The following ZNF518B variants were observed in gnomAD, a reference collection of about 807,000 sequenced individuals.
The protein encoded by ZNF518B is zinc finger protein 518B.
In ZNF518B, 23 loss-of-function variants were observed where a neutral mutation model predicts 56.3. The observed-to-expected ratio is 0.41, with a 90% CI of 0.29 to 0.58. The LOEUF (loss-of-function observed/expected upper bound fraction) is 0.58, where lower values mean the gene tolerates loss of function less well. Ranked by LOEUF, ZNF518B falls within the 20% of genes least tolerant of loss-of-function variation. The probability of loss-of-function intolerance (pLI) is 0.32; values close to 1 mark genes in which losing one functional copy is unlikely to be tolerated. For missense variants in ZNF518B, 1,460 were observed against 1,272.1 expected (o/e 1.15, Z -2.25); for synonymous variants, 529 against 465.9 (o/e 1.14, Z -1.74).
upstream of ZNF518B, among the ~76,000 whole-genome samples, chr4:10,459,574 G>C (rs988366709): frequency 2.6e-5 from 4 of 152,214 alleles, no homozygotes; most frequent in Non-Finnish European, 4.4e-5. Flanking sequence ...TGTAAGACAA[G>C]GTCATTAGGG....
Position 10,443,905 on chromosome 4 carries a change from T to C in ZNF518B, c.2424A>G (p.Ile808Met). ...VSIPCSERQLIKPVPFCPVRQ... is the reference protein window; with the variant it reads ...VSIPCSERQLMKPVPFCPVRQ... ...TCACAGGGCAAAATGGAACTGGTTT[T>C]ATTAACTGTCTTTCACTGCAAGGTA... Residue 808 changes from isoleucine (I) to methionine (M), a missense_variant, in exon 3 of 3, where the codon ATA (isoleucine) becomes ATG (methionine). By Grantham distance (10) the Ile-to-Met change is conservative (BLOSUM62 1). Transcript: ENST00000326756. The C allele has an allele frequency of 6.2e-7, 1 of 1,614,238 alleles. No individual in the cohort carries two copies. Among genetic ancestry groups the C allele is most frequent in the Non-Finnish European group, 8.5e-7 (1 of 1,180,036 alleles).
intron 1 of ZNF518B, among the ~76,000 whole-genome samples, chr4:10,455,834 CTAGT>C (rs751135984): frequency 2.6e-4 from 40 of 152,242 alleles, no homozygotes; most frequent in Non-Finnish European, 4.0e-4. Context: ...AAATTGCATC[CTAGT>C]TAAAGATATC....
rs1314728080 is a variant in ZNF518B, at chr4:10,446,539, A to G, written c.-211T>C. ...TCAGCTCTCTGACATTCCAGGTAAC[A>G]CTAAAGGAAAACAAAATTATAAAGC... On this transcript the variant is annotated splice_region_variant and 5_prime_UTR_variant, in exon 3 of 3. It removes an upstream start codon present in the reference 5' UTR. Transcript: ENST00000326756. 2.0e-6 allele frequency: 1 copy of G among 506,346 alleles called. No individual in the cohort carries two copies. Among genetic ancestry groups the G allele is most frequent in the Non-Finnish European group, 3.6e-6 (1 of 279,466 alleles). 31.4% of individuals were successfully genotyped at this position (506,346 alleles called of 1,614,324 possible).
At position 10,446,458 on chromosome 4, in the gene ZNF518B, T is replaced by G; in HGVS notation, c.-130A>C. 1 of 796,586 alleles carries G rather than the reference T, an allele frequency of 1.3e-6. No homozygotes were observed. Among genetic ancestry groups the G allele is most frequent in the Non-Finnish European group, 2.0e-6 (1 of 495,060 alleles). The allele number at this position is 796,586 out of a possible 1,614,324, so 49.3% of individuals were successfully genotyped here. A position where few individuals can be genotyped will look rare whatever the true frequency, so the allele number is the denominator to read the frequency against. ...AGCTACTTCTTGGGTGCATACTTAATTATCTTTCTTTATATACTGCCGCAG... is the reference window on the plus strand; with the variant it reads ...AGCTACTTCTTGGGTGCATACTTAAGTATCTTTCTTTATATACTGCCGCAG... On this transcript the variant is annotated 5_prime_UTR_variant, in exon 3 of 3. The change abolishes the stop of an existing upstream ORF in the 5' untranslated region. Transcript: ENST00000326756.
In ZNF518B at chr4:10,444,794, C is replaced by T. The variant is rs1030614551; in HGVS notation, c.1535G>A (p.Cys512Tyr). 2 of 1,613,734 alleles carry T rather than the reference C, an allele frequency of 1.2e-6. No homozygotes were observed. Among genetic ancestry groups the T allele is most frequent in the Non-Finnish European group, 8.5e-7 (1 of 1,179,828 alleles). ...SNPFPYKAAV[C>Y]FAESGRNLHS... ...TAAATTTCTTCCACTTTCAGCAAAA[C>T]AAACAGCAGCTTTATATGGAAAAGG... Residue 512 changes from cysteine to tyrosine, a missense_variant, in exon 3 of 3, where the codon TGT (cysteine) becomes TAT (tyrosine). Cys to Tyr is a radical substitution (Grantham distance 194, BLOSUM62 -2). Coordinates refer to ENST00000326756, the MANE Select transcript of ZNF518B (RefSeq NM_053042.3).
At position 10,446,222 on chromosome 4, in the gene ZNF518B, T is replaced by C; in HGVS notation, c.107A>G (p.Asn36Ser). Residue 36 changes from asparagine (N) to serine (S), a missense_variant, in exon 3 of 3, where the codon AAT (asparagine) becomes AGT (serine). Coordinates refer to ENST00000326756, the MANE Select transcript of ZNF518B (RefSeq NM_053042.3). ...CAAAAGGGTTTGTGCTTCTTGTCTA[T>C]TTGGCCGAGGTGCTCCATTAGCATC... ...QPDANGAPRP[N>S]RQEAQTLLYQ... The C allele has an allele frequency of 1.2e-6, 2 of 1,614,212 alleles. No individual in the cohort carries two copies. The highest frequency in any genetic ancestry group is 1.3e-5 in the African/African-American group (1 of 75,068).
At chr4:10,450,577 C>T (rs1715260584) in intron 2 of ZNF518B, among the ~76,000 whole-genome samples, 1 of 152,184 alleles carries the variant, frequency 6.6e-6, no homozygotes, top group Non-Finnish European at 1.5e-5. Context: ...AGCCTCTCAG[C>T]CCGTCCCTTC....
chr4:10,456,494 C>T (rs1269309479), intron 1 of ZNF518B, among the ~76,000 whole-genome samples: 1 of 152,170 alleles, frequency 6.6e-6, no homozygotes, highest in Admixed American at 6.5e-5. Context: ...TCTTCTCAAC[C>T]TCCTATGTCC....
chr4:10,459,632 T>G (rs560524137), upstream of ZNF518B, among the ~76,000 whole-genome samples: 138 of 152,294 alleles, frequency 9.1e-4, no homozygotes, highest in African/African-American at 3.1e-3. Flanking sequence ...GACACCATTC[T>G]GTGTCTCTGT....
rs780688259 is a variant in ZNF518B at position 10,443,445 on chromosome 4, C to T, written c.2884G>A (p.Val962Ile). ...DSPEVTNVMKVINKYKGNVLK... is the reference protein window; with the variant it reads ...DSPEVTNVMKIINKYKGNVLK... ...ACATTGCCTTTGTATTTATTTATTA[C>T]CTTCATCACATTGGTCACTTCTGGC... The change falls in exon 3 of 3, where the codon GTA (valine) becomes ATA (isoleucine). Residue 962 changes from valine to isoleucine, a missense_variant. Val to Ile is a conservative substitution (Grantham distance 29). Transcript: ENST00000326756. 6.1e-5 allele frequency: 99 copies of T among 1,614,054 alleles called. No individual in the cohort carries two copies. Among genetic ancestry groups the T allele is most frequent in the Non-Finnish European group, 7.7e-5 (91 of 1,180,034 alleles).
upstream of ZNF518B, among the ~76,000 whole-genome samples, chr4:10,459,542 T>C (rs1029878333): frequency 3.9e-5 from 6 of 152,160 alleles, no homozygotes; most frequent in African/African-American, 1.4e-4. Flanking sequence ...ATGACCTTAT[T>C]TGGAAACACG....
At position 10,443,152 on chromosome 4, in the gene ZNF518B, C is replaced by T. The variant is rs1393444140; in HGVS notation, c.3177G>A (p.Leu1059=). The stretch of plus-strand genomic sequence containing the variant: ...CATCCCAATCTCTAGTTGCTTCTAT[C>T]AAATGCCGTTGGCCATGACTCATCC... ...EEWMSHGQRH[L]IEATRDWDVL... The change falls in exon 3 of 3, where the codon TTG becomes TTA. Residue 1059 remains leucine, a synonymous_variant. Transcript: ENST00000326756. 1 of 1,614,176 alleles carries T rather than the reference C, an allele frequency of 6.2e-7. No homozygotes were observed. Among genetic ancestry groups the T allele is most frequent in the African/African-American group, 1.3e-5 (1 of 75,070 alleles).
In ZNF518B at chr4:10,444,435, C is replaced by G; in HGVS notation, c.1894G>C (p.Val632Leu). ...CTCAGAGAAAATACTGATGAGATGA[C>G]TGGGCCATCATTAGTGTTGTTAGTC... ...ERTNNTNDGP[V>L]ISSVFSLSSG... The change falls in exon 3 of 3, where the codon GTC becomes CTC. Residue 632 changes from valine (V) to leucine (L), a missense_variant. Coordinates refer to ENST00000326756, the MANE Select transcript of ZNF518B (RefSeq NM_053042.3). 6.2e-7 allele frequency: 1 copy of G among 1,614,224 alleles called. No homozygotes were observed. Among genetic ancestry groups the G allele is most frequent in the Non-Finnish European group, 8.5e-7 (1 of 1,180,044 alleles).
Position 10,445,299 on chromosome 4 carries a change from A to T in ZNF518B, c.1030T>A (p.Leu344Ile). The T allele has an allele frequency of 6.2e-7, 1 of 1,614,210 alleles. No homozygotes were observed. ...ACCTTCACATCTATCAACTGGGCTAAACAGTTTGCAGGGACAACTAGTTCT... is the reference window on the plus strand; with the variant it reads ...ACCTTCACATCTATCAACTGGGCTATACAGTTTGCAGGGACAACTAGTTCT... ...PAELVVPANCLAQLIDVKVVN... is the reference protein window; with the variant it reads ...PAELVVPANCIAQLIDVKVVN... The change falls in exon 3 of 3, where the codon TTA becomes ATA. Residue 344 changes from leucine to isoleucine, a missense_variant. Transcript: ENST00000326756.
intron 2 of ZNF518B, among the ~76,000 whole-genome samples, chr4:10,449,222 C>A (rs1420636988): frequency 1.3e-5 from 2 of 152,104 alleles, no homozygotes; most frequent in Admixed American, 6.5e-5. Flanking sequence ...AGAATCAGAG[C>A]AAAAATGGAC....
chr4:10,443,792 T>C lies in ZNF518B; in HGVS notation c.2537A>G (p.Lys846Arg), dbSNP rs373922591. ...SPNIETPLRP[K>R]LRKESAVCST... is the part of the protein sequence containing the mutation. ...ACAGACAGCACTCTCTTTTCTCAGT[T>C]TAGGCCGCAGAGGTGTCTCGATATT... Residue 846 changes from lysine to arginine, a missense_variant, in exon 3 of 3, where the codon AAA (lysine) becomes AGA (arginine). By Grantham distance (26) the Lys-to-Arg change is conservative. Coordinates refer to ENST00000326756, the MANE Select transcript of ZNF518B (RefSeq NM_053042.3). The C allele has an allele frequency of 2.5e-6, 4 of 1,614,076 alleles. No individual in the cohort carries two copies. In the African/African-American group the frequency reaches 5.3e-5, roughly 22 times the overall value.
chr4:10,452,838 G>C (rs1311260803), intron 2 of ZNF518B: 1 of 152,208 alleles, frequency 6.6e-6, no homozygotes, highest in African/African-American at 2.4e-5. Flanking sequence ...CTGCCATCCT[G>C]ATGACGAAAA....
At chr4:10,458,256 G>A (rs1276807239), upstream of ZNF518B, among the ~76,000 whole-genome samples, 1 of 152,202 alleles carries the variant, frequency 6.6e-6, no homozygotes, top group Non-Finnish European at 1.5e-5. Context: ...CTCTCCAGCA[G>A]GGGCAGGTTG....
chr4:10,443,499 T>C lies in ZNF518B; in HGVS notation c.2830A>G (p.Ile944Val). The C allele has an allele frequency of 6.2e-7, 1 of 1,614,018 alleles. No homozygotes were observed. The highest frequency in any genetic ancestry group is 8.5e-7 in the Non-Finnish European group (1 of 1,179,832). Reference protein sequence around the residue: ...IKCPRRNQPVIVLNHPDVDSP... With the variant: ...IKCPRRNQPVVVLNHPDVDSP... The stretch of plus-strand genomic sequence containing the variant: ...TCCACATCAGGGTGGTTTAACACAA[T>C]GACTGGCTGGTTCCGACGGGGACAC... Residue 944 changes from isoleucine (I) to valine (V), a missense_variant, in exon 3 of 3, where the codon ATT becomes GTT. Physicochemically the swap from Ile to Val is conservative, Grantham distance 29 (BLOSUM62 3). Coordinates refer to ENST00000326756, the MANE Select transcript of ZNF518B (RefSeq NM_053042.3).
Sources: allele counts gnomAD v4.1 joint callset (sites outside exome capture counted in the v4.1 genomes callset), GRCh38; gene constraint gnomAD v4.1.1; transcripts MANE v1.5; gene names NCBI Gene and HGNC (gene_info 2026-07-23, HGNC 2026-07-21).